NPAS2: variants seen among roughly 807,000 people sequenced by gnomAD.
NPAS2 encodes neuronal PAS domain-containing protein 2.
Under a neutral mutation model 107.5 loss-of-function variants are expected in NPAS2, and 23 were observed. That is an observed-to-expected ratio of 0.21 (90% CI 0.15 to 0.30). The LOEUF is 0.30. Ranked by LOEUF, NPAS2 falls within the 10% of genes least tolerant of loss-of-function variation. The pLI is 1.00. For missense variants in NPAS2, 756 were observed against 1,043.3 expected (o/e 0.72, Z 3.79); for synonymous variants, 403 against 417.5 (o/e 0.97, Z 0.42).
intron 7 of NPAS2, among the ~76,000 whole-genome samples, chr2:100,960,014 C>A (rs1675828057): frequency 6.6e-6 from 1 of 152,142 alleles, no homozygotes; most frequent in Non-Finnish European, 1.5e-5. Context: ...ATCTTCCTGC[C>A]CTCATAGTCA....
chr2:100,891,510 G>T (rs533348344), intron 1 of NPAS2, among the ~76,000 whole-genome samples: 3 of 152,140 alleles, frequency 2.0e-5, no homozygotes, highest in Non-Finnish European at 4.4e-5. Flanking sequence ...CAGATGAGGC[G>T]TCCCAACAGA....
At chr2:100,988,882 C>T (rs1227036943) in intron 17 of NPAS2, 2 of 246,782 alleles carry the variant, frequency 8.1e-6, no homozygotes, top group Admixed American at 6.1e-5. Flanking sequence ...CTCCTCCAGG[C>T]GCCCCCTGCC....
At chr2:100,926,471 TATA>T (rs1225795319) in intron 3 of NPAS2, among the ~76,000 whole-genome samples, 1 of 152,240 alleles carries the variant, frequency 6.6e-6, no homozygotes, top group Non-Finnish European at 1.5e-5. Flanking sequence ...CTATTATTAA[TATA>T]ATCTCCCTAG....
intron 7 of NPAS2, among the ~76,000 whole-genome samples, chr2:100,958,035 C>T (rs1006824529): frequency 1.3e-5 from 2 of 152,144 alleles, no homozygotes; most frequent in African/African-American, 4.8e-5. Context: ...TTTTGCTCCT[C>T]CTCCAGACTT....
intron 7 of NPAS2, among the ~76,000 whole-genome samples, chr2:100,951,998 A>C (rs1291779327): frequency 6.6e-6 from 1 of 151,820 alleles, no homozygotes; most frequent in Non-Finnish European, 1.5e-5. Flanking sequence ...AAATACAAAA[A>C]ATTAGCTGGG....
chr2:100,847,844 GA>G (rs926909585), intron 1 of NPAS2, among the ~76,000 whole-genome samples: 6 of 152,320 alleles, frequency 3.9e-5, no homozygotes, highest in African/African-American at 9.6e-5. Context: ...AAAAAGCCAA[GA>G]ATAGTGTAGA....
chr2:100,901,822 C>T (rs1169695021), intron 1 of NPAS2, among the ~76,000 whole-genome samples: 6 of 152,088 alleles, frequency 3.9e-5, no homozygotes, highest in Admixed American at 2.6e-4. Flanking sequence ...AAGAGCCCCC[C>T]TGTAAGTCAG....
chr2:100,944,793 G>A (rs755314718), intron 5 of NPAS2, among the ~76,000 whole-genome samples: 3 of 152,004 alleles, frequency 2.0e-5, no homozygotes, highest in African/African-American at 7.3e-5. Context: ...TCCAGCGTTC[G>A]TCTTTATTCT....
At chr2:100,876,152 G>C (rs1679953004) in intron 1 of NPAS2, among the ~76,000 whole-genome samples, 1 of 152,180 alleles carries the variant, frequency 6.6e-6, no homozygotes, top group East Asian at 1.9e-4. Context: ...TTCCTTTGCG[G>C]CCTCTCTGGT....
rs1312542287 is a variant in NPAS2, at chr2:100,993,450, C to T, written c.2215C>T (p.Pro739Ser). 1 of 1,612,956 alleles carries T rather than the reference C, an allele frequency of 6.2e-7. No individual in the cohort carries two copies. Among genetic ancestry groups the T allele is most frequent in the Non-Finnish European group, 8.5e-7 (1 of 1,179,554 alleles). Reference protein sequence around the residue: ...VLLMGQAVLHPSFPASQPSPL... With the variant: ...VLLMGQAVLHSSFPASQPSPL... ...GCTGATGGGGCAGGCGGTGCTCCAC[C>T]CCAGCTTCCCTGCCTCCCAACCATC... Residue 739 changes from proline to serine, a missense_variant, in exon 20 of 21, where the codon CCC becomes TCC. This residue lies in a region of NPAS2 where 496 missense variants were observed against 594.4 expected (regional missense o/e 0.83). Coordinates refer to ENST00000335681, the MANE Select transcript of NPAS2 (RefSeq NM_002518.4).
intron 1 of NPAS2, among the ~76,000 whole-genome samples, chr2:100,869,769 C>T (rs1282871653): frequency 6.6e-6 from 1 of 152,158 alleles, no homozygotes; most frequent in Non-Finnish European, 1.5e-5. Context: ...CATCTCTGGC[C>T]TCCTGCCTTA....
intron 1 of NPAS2, among the ~76,000 whole-genome samples, chr2:100,884,490 T>G (rs1009062476): frequency 2.0e-4 from 31 of 152,242 alleles, no homozygotes; most frequent in African/African-American, 6.5e-4. Flanking sequence ...TAAGTATCCC[T>G]TGTCTTATCA....
chr2:100,990,051 A>G (rs1678021326), intron 17 of NPAS2: 2 of 584,936 alleles, frequency 3.4e-6, no homozygotes, highest in South Asian at 2.3e-5. Flanking sequence ...GCCTGCCTAG[A>G]GTCCGGCACT....
chr2:100,840,791 G>A (rs1333149093), intron 1 of NPAS2, among the ~76,000 whole-genome samples: 1 of 152,000 alleles, frequency 6.6e-6, no homozygotes, highest in Non-Finnish European at 1.5e-5. Context: ...ATGTGCGAAG[G>A]GAAAGAGCAA....
intron 1 of NPAS2, among the ~76,000 whole-genome samples, chr2:100,826,276 T>C (rs1394366348): frequency 4.6e-5 from 7 of 152,254 alleles, no homozygotes; most frequent in Admixed American, 3.9e-4. Flanking sequence ...ACCCTGTCTC[T>C]ACTAAAAATA....
intron 1 of NPAS2, among the ~76,000 whole-genome samples, chr2:100,832,239 C>T (rs749943686): frequency 6.6e-6 from 1 of 152,166 alleles, no homozygotes; most frequent in Non-Finnish European, 1.5e-5. Flanking sequence ...AGATATGAGC[C>T]CCTCAAAGAG....
intron 6 of NPAS2, 50 bp from the exon 7 acceptor site, chr2:100,949,315 CTG>C: frequency 3.0e-6 from 3 of 1,005,764 alleles, no homozygotes; most frequent in Non-Finnish European, 4.8e-6. Context: ...TGTTTAGAGT[CTG>C]TGCAATGCTC....
At position 100,995,946 on chromosome 2, in the gene NPAS2, G is replaced by T; in HGVS notation, c.*364G>T. The T allele has an allele frequency of 7.3e-7, 1 of 1,370,052 alleles. No individual in the cohort carries two copies. Among genetic ancestry groups the T allele is most frequent in the East Asian group, 3.9e-5 (1 of 25,342 alleles). The allele number at this position is 1,370,052 out of a possible 1,614,324, so 84.9% of individuals were successfully genotyped here. A position where few individuals can be genotyped will look rare whatever the true frequency, so the allele number is the denominator to read the frequency against. The stretch of plus-strand genomic sequence containing the variant: ...AGCCACCTGCGGCCCGCCCATCTGC[G>T]CTAGCTGGCCTTCACGCTCTTGATC... On this transcript the variant is annotated 3_prime_UTR_variant, in exon 21 of 21. Coordinates refer to ENST00000335681, the MANE Select transcript of NPAS2 (RefSeq NM_002518.4).
intron 1 of NPAS2, among the ~76,000 whole-genome samples, chr2:100,837,502 G>A (rs1214050203): frequency 4.6e-5 from 7 of 151,936 alleles, no homozygotes; most frequent in African/African-American, 1.5e-4. Context: ...TAGTAGAGAC[G>A]AGGTTTCTCC....
Sources: allele counts gnomAD v4.1 joint callset (sites outside exome capture counted in the v4.1 genomes callset), GRCh38; gene constraint gnomAD v4.1.1; regional missense constraint gnomAD v4.1.1; transcripts MANE v1.5; gene names NCBI Gene and HGNC (gene_info 2026-07-23, HGNC 2026-07-21).